Variants in TPMT observed in about 807,000 individuals in gnomAD.
The protein encoded by TPMT is S-adenosyl-L-methionine:thiopurine S-methyltransferase.
Under a neutral mutation model 34.2 loss-of-function variants are expected in TPMT, and 18 were observed. The ratio of observed to expected loss-of-function variants is 0.53; its 90% CI spans 0.36 to 0.78. TPMT has a LOEUF of 0.78. Ranked by LOEUF, TPMT falls within the 30% of genes least tolerant of loss-of-function variation. The pLI, the probability that TPMT is intolerant of heterozygous loss-of-function variation, is 0.00. For missense variants in TPMT, 265 were observed against 288.1 expected, an observed-to-expected ratio of 0.92 and a Z score of 0.58; for synonymous variants, 69 against 92.4, an observed-to-expected ratio of 0.75 and a Z score of 1.45.
At chr6:18,141,644 A>G (rs1784144272) in intron 4 of TPMT, among the ~76,000 whole-genome samples, 1 of 152,238 alleles carries the variant, frequency 6.6e-6, no homozygotes, top group South Asian at 2.1e-4. Context: ...CCAGCTGAGC[A>G]ATTAATTTCA....
At chr6:18,133,762 A>G (rs1383704673) in intron 7 of TPMT, 42 bp downstream of exon 7, 3 of 1,404,664 alleles carry the variant, frequency 2.1e-6, no homozygotes, top group Non-Finnish European at 3.0e-6. Flanking sequence ...TCAAGAAACT[A>G]GGCAACTGGT....
At chr6:18,144,224 C>A (rs984858822) in intron 3 of TPMT, among the ~76,000 whole-genome samples, 7 of 152,152 alleles carry the variant, frequency 4.6e-5, no homozygotes, top group African/African-American at 1.7e-4. Flanking sequence ...CCACATGTGG[C>A]TAGTAGCTAC....
Position 18,149,275 on chromosome 6 carries a change from A to C in TPMT, c.-44-104T>G, listed in dbSNP as rs968692965. 53 of 1,056,894 alleles carry C rather than the reference A, an allele frequency of 5.0e-5. No homozygotes were observed. The highest frequency in any genetic ancestry group is 6.6e-5 in the Non-Finnish European group (48 of 723,998). 65.5% of individuals were successfully genotyped at this position (1,056,894 alleles called of 1,614,324 possible). A position where few individuals can be genotyped will look rare whatever the true frequency, so the allele number is the denominator to read the frequency against. ...CTTAGCAGTATGACTTTTTAAAAAT[A>C]TTTCTTTCTTTTTTTATTTCTGGTT... On this transcript the variant is annotated intron_variant, in intron 1 of 8. Coordinates refer to ENST00000309983, the MANE Select transcript of TPMT (RefSeq NM_000367.5). The surrounding 1 kb of genome is among the most constrained non-coding windows in gnomAD (Gnocchi z 5.0).
At position 18,148,730 on chromosome 6, in the gene TPMT, G is replaced by A. The variant is rs1200258990; in HGVS notation, c.140+258C>T. On this transcript the variant is annotated intron_variant, in intron 2 of 8. Transcript: ENST00000309983. The surrounding 1 kb of genome is among the most constrained non-coding windows in gnomAD (Gnocchi z 4.1). ...CAGGGCCAATACATAGGTGCCGTAGGGATCAAAGAACATATTTTATAAATC... is the reference window on the plus strand; with the variant it reads ...CAGGGCCAATACATAGGTGCCGTAGAGATCAAAGAACATATTTTATAAATC... Among the ~76,000 whole-genome samples the A allele has an allele frequency of 6.6e-6, 1 of 152,040 alleles. No homozygotes were observed. Among genetic ancestry groups the A allele is most frequent in the Non-Finnish European group, 1.5e-5 (1 of 68,024 alleles).
At chr6:18,151,542 G>A (rs1410984830) in intron 1 of TPMT, among the ~76,000 whole-genome samples, 1 of 151,820 alleles carries the variant, frequency 6.6e-6, no homozygotes, top group Non-Finnish European at 1.5e-5. Context: ...ATAATGTAGG[G>A]TGATGTGAGT....
Position 18,129,873 on chromosome 6 carries a change from T to C in TPMT, c.*795A>G, listed in dbSNP as rs1783903945. 1 of 152,240 alleles carries C rather than the reference T, an allele frequency of 6.6e-6. No individual in the cohort carries two copies. Among genetic ancestry groups the C allele is most frequent in the Non-Finnish European group, 1.5e-5 (1 of 68,042 alleles). The allele number at this position is 152,240 out of a possible 1,614,324, so 9.4% of individuals were successfully genotyped here. ...CATGGAGAAACCATGTGAAAAGGGATGCTAGGATCTGAGTAAAAGACAAGG... is the reference window on the plus strand; with the variant it reads ...CATGGAGAAACCATGTGAAAAGGGACGCTAGGATCTGAGTAAAAGACAAGG... On this transcript the variant is annotated 3_prime_UTR_variant, in exon 9 of 9. Coordinates refer to ENST00000309983, the MANE Select transcript of TPMT (RefSeq NM_000367.5).
chr6:18,142,966 C>T (rs1298966649), intron 4 of TPMT, among the ~76,000 whole-genome samples: 1 of 152,112 alleles, frequency 6.6e-6, no homozygotes, highest in African/African-American at 2.4e-5. Context: ...CTGCCATAGC[C>T]TCCTGTCTCT....
At chr6:18,142,542 C>T (rs775774329) in intron 4 of TPMT, among the ~76,000 whole-genome samples, 15 of 151,860 alleles carry the variant, frequency 9.9e-5, no homozygotes, top group African/African-American at 1.5e-4. Context: ...TTAAGCTTCC[C>T]CACTCCTCTG....
intron 4 of TPMT, among the ~76,000 whole-genome samples, chr6:18,142,219 A>G (rs537768931): frequency 1.3e-5 from 2 of 150,286 alleles, no homozygotes; most frequent in South Asian, 2.1e-4. Flanking sequence ...TTTTTTGCCT[A>G]TTAAACCTCC....
rs1256425655 is a variant in TPMT at position 18,138,276 on chromosome 6, T to C, written c.494+687A>G. Among the ~76,000 whole-genome samples, 1 of 151,146 alleles carries C rather than the reference T, an allele frequency of 6.6e-6. No individual in the cohort carries two copies. The highest frequency in any genetic ancestry group is 2.4e-5 in the African/African-American group (1 of 41,024). On this transcript the variant is annotated intron_variant, in intron 6 of 8. Coordinates refer to ENST00000309983, the MANE Select transcript of TPMT (RefSeq NM_000367.5). The surrounding 1 kb of genome is among the most constrained non-coding windows in gnomAD (Gnocchi z 4.1). ...TTTTGATTTTTTTGTTTTTTTTTTT[T>C]TTTAAATATTTTACAGACAAGGTCT...
rs2842936 is a variant in TPMT, at chr6:18,140,019, T to C, written c.367-302A>G. On this transcript the variant is annotated intron_variant, in intron 4 of 8. Transcript: ENST00000309983. This position sits in a 1 kb window ranked among gnomAD's most constrained non-coding sequence, Gnocchi z 4.7. The stretch of plus-strand genomic sequence containing the variant: ...AACAATGTTTCCTCGAGCAGAGTGA[T>C]ATTTTTACTCTGCTAAAGATAAATC... 0.56 allele frequency among the ~76,000 whole-genome samples: 84,986 copies of C among 152,010 alleles called. 25,881 individuals are homozygous for C. The highest frequency in any genetic ancestry group is 0.78 in the East Asian group (4,034 of 5,160).
In TPMT at chr6:18,146,736, A is replaced by C. The variant is rs1394923053; in HGVS notation, c.233+1087T>G. Among the ~76,000 whole-genome samples the C allele has an allele frequency of 1.3e-5, 2 of 152,138 alleles. No homozygotes were observed. The highest frequency in any genetic ancestry group is 2.9e-5 in the Non-Finnish European group (2 of 68,032). On this transcript the variant is annotated intron_variant, in intron 3 of 8. Coordinates refer to ENST00000309983, the MANE Select transcript of TPMT (RefSeq NM_000367.5). This position sits in a 1 kb window ranked among gnomAD's most constrained non-coding sequence, Gnocchi z 6.2. ...TAAAATATATGTCATAATATAGTTT[A>C]AATATTCTCAATTTCATGACCACAC...
At chr6:18,133,388 C>T (rs1281583749) in intron 7 of TPMT, among the ~76,000 whole-genome samples, 1 of 152,210 alleles carries the variant, frequency 6.6e-6, no homozygotes, top group African/African-American at 2.4e-5. Flanking sequence ...ACAACTTCTG[C>T]ATCCCCATAT....
chr6:18,142,800 A>G (rs761902477), intron 4 of TPMT, among the ~76,000 whole-genome samples: 2 of 152,092 alleles, frequency 1.3e-5, no homozygotes, highest in African/African-American at 2.4e-5. Flanking sequence ...CCAGCCAGTC[A>G]TCTGAGCCAG....
rs538010057 is a variant in TPMT at position 18,153,248 on chromosome 6, G to A, written c.-45+1785C>T. ...CTCTACAGTCTGAAACCATTCATGA[G>A]AAAGAGTTCTCCTTTCTAAATTATG... is the stretch of plus-strand genomic sequence containing the variant. On this transcript the variant is annotated intron_variant, in intron 1 of 8. Transcript: ENST00000309983. The surrounding 1 kb of genome is among the most constrained non-coding windows in gnomAD (Gnocchi z 4.2). 6.6e-6 allele frequency among the ~76,000 whole-genome samples: 1 copy of A among 152,306 alleles called. No homozygotes were observed. The highest frequency in any genetic ancestry group is 1.9e-4 in the East Asian group (1 of 5,176).
rs1307175686 is a variant in TPMT at position 18,139,937 on chromosome 6, G to A, written c.367-220C>T. Among the ~76,000 whole-genome samples, 1 of 152,060 alleles carries A rather than the reference G, an allele frequency of 6.6e-6. No individual in the cohort carries two copies. Among genetic ancestry groups the A allele is most frequent in the Non-Finnish European group, 1.5e-5 (1 of 68,036 alleles). ...GGCCAACTCAGAGGAATATCACAGAGGACAACTTTGAAGATCAGTTGGCTG... is the reference window on the plus strand; with the variant it reads ...GGCCAACTCAGAGGAATATCACAGAAGACAACTTTGAAGATCAGTTGGCTG... On this transcript the variant is annotated intron_variant, in intron 4 of 8. Coordinates refer to ENST00000309983, the MANE Select transcript of TPMT (RefSeq NM_000367.5). This position sits in a 1 kb window ranked among gnomAD's most constrained non-coding sequence, Gnocchi z 4.2.
At chr6:18,137,958 T>C (rs570587500) in intron 6 of TPMT, among the ~76,000 whole-genome samples, 4 of 152,204 alleles carry the variant, frequency 2.6e-5, no homozygotes, top group African/African-American at 9.6e-5. Flanking sequence ...TTTTGTATTT[T>C]TAGTAGAGAT....
In TPMT at chr6:18,132,144, T is replaced by C; in HGVS notation, c.614A>G (p.Glu205Gly). ...GTCCACAAACTTACCAAACAACCTT[T>C]CAATTTCAGCATGTGGAACATAAAA... is the stretch of plus-strand genomic sequence containing the variant. ...PPFYVPHAEI[E>G]RLFGKICNIR... The change falls in exon 8 of 9, where the codon GAA becomes GGA. Residue 205 changes from glutamate (E) to glycine (G), a missense_variant. By Grantham distance (98) the Glu-to-Gly change is moderately conservative. Coordinates refer to ENST00000309983, the MANE Select transcript of TPMT (RefSeq NM_000367.5). The surrounding 1 kb of genome is among the most constrained non-coding windows in gnomAD (Gnocchi z 4.8). 1 of 1,614,162 alleles carries C rather than the reference T, an allele frequency of 6.2e-7. No homozygotes were observed. The highest frequency in any genetic ancestry group is 1.1e-5 in the South Asian group (1 of 91,082).
rs746896277 is a variant in TPMT, at chr6:18,143,333, G to A, written c.366+263C>T. ...CACATGATGGGTTCTCAGAAAATGC[G>A]TGTTAATAAAAATAAAACAAGCCTA... On this transcript the variant is annotated intron_variant, in intron 4 of 8. Transcript: ENST00000309983. The surrounding 1 kb of genome is among the most constrained non-coding windows in gnomAD (Gnocchi z 6.1). Among the ~76,000 whole-genome samples the A allele has an allele frequency of 2.0e-5, 3 of 152,082 alleles. No individual in the cohort carries two copies. Among genetic ancestry groups the A allele is most frequent in the Admixed American group, 6.5e-5 (1 of 15,272 alleles).
Sources: allele counts gnomAD v4.1 joint callset (sites outside exome capture counted in the v4.1 genomes callset), GRCh38; gene constraint gnomAD v4.1.1; non-coding constraint Gnocchi (gnomAD v3.1); transcripts MANE v1.5; gene names NCBI Gene and HGNC (gene_info 2026-07-23, HGNC 2026-07-21).